The following RBM12 variants were observed in gnomAD, a reference collection of about 807,000 sequenced individuals.
The protein encoded by RBM12 is RNA binding motif protein 12.
RBM12 carries 24 observed loss-of-function variants against 37.2 expected under a neutral mutation model. That is an observed-to-expected ratio of 0.65 (90% confidence interval 0.47 to 0.91). The LOEUF (loss-of-function observed/expected upper bound fraction) is 0.91. RBM12 is among the 40% of genes least tolerant of loss of function. The pLI, the probability that RBM12 is intolerant of heterozygous loss-of-function variation, is 0.00. For missense variants in RBM12, 1,061 were observed against 1,183.2 expected (o/e 0.90, Z 1.52); for synonymous variants, 420 against 425.2 (o/e 0.99, Z 0.15).
Position 35,654,668 on chromosome 20 carries a change from G to A in RBM12, c.655C>T (p.Pro219Ser), listed in dbSNP as rs775462629. 1.2e-6 allele frequency: 2 copies of A among 1,613,630 alleles called. No homozygotes were observed. Among genetic ancestry groups the A allele is most frequent in the Admixed American group, 1.7e-5 (1 of 60,024 alleles). Residue 219 changes from proline (P) to serine (S), a missense_variant, in exon 3 of 3, where the codon CCT becomes TCT. Pro to Ser is a moderately conservative substitution (Grantham distance 74). Coordinates refer to ENST00000374114, the MANE Select transcript of RBM12 (RefSeq NM_006047.6). Reference sequence around the variant, plus strand: ...GGAATCGGGGGCACAGGAGGCACAGGAGGCAATGTAGGTACTGGAGGAGGA... The same window carrying A: ...GGAATCGGGGGCACAGGAGGCACAGAAGGCAATGTAGGTACTGGAGGAGGA... ...PVPPPVPTLP[P>S]VPPVPPIPPV...
chr20:35,658,069 C>T (rs2034007872), intron 2 of RBM12, among the ~76,000 whole-genome samples: 1 of 151,028 alleles, frequency 6.6e-6, no homozygotes, highest in Non-Finnish European at 1.5e-5. Context: ...ATAAATAAAA[C>T]AAATAAAAAT....
At chr20:35,663,643 A>G (rs2034358226) in intron 1 of RBM12, among the ~76,000 whole-genome samples, 1 of 152,196 alleles carries the variant, frequency 6.6e-6, no homozygotes, top group African/African-American at 2.4e-5. Context: ...AATTCTCAGC[A>G]TGACACCACG....
Position 35,664,875 on chromosome 20 carries a change from C to T in RBM12, c.-223G>A, listed in dbSNP as rs1410413193. The T allele has an allele frequency of 6.6e-6, 1 of 152,386 alleles. No homozygotes were observed. The highest frequency in any genetic ancestry group is 2.4e-5 in the African/African-American group (1 of 41,486). The allele number at this position is 152,386 out of a possible 1,614,324, so 9.4% of individuals were successfully genotyped here. A position where few individuals can be genotyped will look rare whatever the true frequency, so the allele number is the denominator to read the frequency against. The stretch of plus-strand genomic sequence containing the variant: ...GGCTTCCCGGAGCCCAACGCAGCCA[C>T]CACCTCCTTCGCCGCTTCACAAAAT... On this transcript the variant is annotated 5_prime_UTR_variant, in exon 1 of 3. In the 5' UTR this introduces an upstream ATG that the reference lacks. Coordinates refer to ENST00000374114, the MANE Select transcript of RBM12 (RefSeq NM_006047.6).
chr20:35,653,929 C>T lies in RBM12; in HGVS notation c.1394G>A (p.Gly465Glu). The change falls in exon 3 of 3, where the codon GGA becomes GAA. Residue 465 changes from glycine (G) to glutamate (E), a missense_variant. This residue lies in a region of RBM12 where 540 missense variants were observed against 632.7 expected (regional missense o/e 0.85). Transcript: ENST00000374114. The stretch of plus-strand genomic sequence containing the variant: ...TTCGCCAGTTGCTTTCCCATTGGGT[C>T]CATAAGCTATATAAATACTATCTTC... The part of the protein sequence containing the change: ...IVEDSIYIAY[G>E]PNGKATGEGF... The T allele has an allele frequency of 6.2e-7, 1 of 1,614,122 alleles. No homozygotes were observed. The highest frequency in any genetic ancestry group is 8.5e-7 in the Non-Finnish European group (1 of 1,180,024).
In RBM12 at chr20:35,653,468, C is replaced by T; in HGVS notation, c.1855G>A (p.Val619Ile). The change falls in exon 3 of 3, where the codon GTT becomes ATT. Residue 619 changes from valine (V) to isoleucine (I), a missense_variant. Coordinates refer to ENST00000374114, the MANE Select transcript of RBM12 (RefSeq NM_006047.6). The part of the protein sequence containing the change: ...LNGREAFVHV[V>I]TLEDMREIEK... ...ATCTCTCTCATATCTTCTAGGGTAA[C>T]TACATGAACAAAAGCTTCTCTCCCA... The T allele has an allele frequency of 4.3e-6, 7 of 1,614,230 alleles. No homozygotes were observed. Among genetic ancestry groups the T allele is most frequent in the Non-Finnish European group, 5.9e-6 (7 of 1,180,048 alleles).
At chr20:35,663,578 T>C (rs1370621913) in intron 1 of RBM12, among the ~76,000 whole-genome samples, 1 of 152,204 alleles carries the variant, frequency 6.6e-6, no homozygotes, top group Non-Finnish European at 1.5e-5. Flanking sequence ...AGGTTATCTC[T>C]GAGAATCCTG....
Position 35,655,057 on chromosome 20 carries a change from C to T in RBM12, c.266G>A (p.Arg89His), listed in dbSNP as rs1483325456. The T allele has an allele frequency of 5.0e-6, 8 of 1,614,134 alleles. No individual in the cohort carries two copies. Among genetic ancestry groups the T allele is most frequent in the East Asian group, 2.2e-5 (1 of 44,884 alleles). Residue 89 changes from arginine to histidine, a missense_variant, in exon 3 of 3, where the codon CGT becomes CAT. Arg to His is a conservative substitution (Grantham distance 29). Transcript: ENST00000374114. Reference sequence around the variant, plus strand: ...TATATCTAAGTTGGCAGTTTCAAAACGCCTACGACTCAGTTCAATCATATT... The same window carrying T: ...TATATCTAAGTTGGCAGTTTCAAAATGCCTACGACTCAGTTCAATCATATT... ...MQNMIELSRRRFETANLDIPP... is the reference protein window; with the variant it reads ...MQNMIELSRRHFETANLDIPP...
At chr20:35,659,621 CCT>C (rs1326581463) in intron 1 of RBM12, among the ~76,000 whole-genome samples, 1 of 151,852 alleles carries the variant, frequency 6.6e-6, no homozygotes, top group African/African-American at 2.4e-5. Context: ...AGTGTTTTTT[CCT>C]CTGACATCAC....
chr20:35,659,991 G>A (rs962864632), intron 1 of RBM12, among the ~76,000 whole-genome samples: 1 of 152,036 alleles, frequency 6.6e-6, no homozygotes, highest in Admixed American at 6.5e-5. Context: ...TACAACTAAT[G>A]ACCTTAATAT....
In RBM12 at chr20:35,653,253, CGCACCAGGCAGTCCT is replaced by C. The variant is rs760382636; in HGVS notation, c.2055_2069del (p.Leu687_Gly691del). On this transcript the variant is annotated inframe_deletion, in exon 3 of 3. Transcript: ENST00000374114. ...TAGGTATTCCTGCACTGGGCATTCC[CGCACCAGGCAGTCCT>C]GCACTGGTTATTGCTGAACCAGGCA... is the stretch of plus-strand genomic sequence containing the variant. 171 of 1,613,504 alleles carry C rather than the reference CGCACCAGGCAGTCCT, an allele frequency of 1.1e-4. No homozygotes were observed. The highest frequency in any genetic ancestry group is 1.4e-4 in the Non-Finnish European group (164 of 1,179,908).
chr20:35,652,801 C>T lies in RBM12; in HGVS notation c.2522G>A (p.Gly841Asp). The T allele has an allele frequency of 6.2e-7, 1 of 1,608,514 alleles. No homozygotes were observed. Among genetic ancestry groups the T allele is most frequent in the Non-Finnish European group, 8.5e-7 (1 of 1,177,190 alleles). Reference sequence around the variant, plus strand: ...ACTAGATGCAAAGCCAGGGGGACCACCAATATGGATTGGGCCAGGGCCGGG... The same window carrying T: ...ACTAGATGCAAAGCCAGGGGGACCATCAATATGGATTGGGCCAGGGCCGGG... ...PGPGPGPIHIGGPPGFASSSG... is the reference protein window; with the variant it reads ...PGPGPGPIHIDGPPGFASSSG... The change falls in exon 3 of 3, where the codon GGT (glycine) becomes GAT (aspartate). Residue 841 changes from glycine to aspartate, a missense_variant. Gly to Asp is a moderately conservative substitution (Grantham distance 94). Coordinates refer to ENST00000374114, the MANE Select transcript of RBM12 (RefSeq NM_006047.6).
chr20:35,655,324 C>G lies in RBM12; in HGVS notation c.-2G>C, dbSNP rs546359672. On this transcript the variant is annotated 5_prime_UTR_variant, in exon 3 of 3. Transcript: ENST00000374114. The stretch of plus-strand genomic sequence containing the variant: ...TTGCAAACGGATGACCACAGCCATG[C>G]TGCGCTGAAACCACACACACCTGCA... 1.4e-5 allele frequency: 22 copies of G among 1,603,744 alleles called. No homozygotes were observed. In the South Asian group the frequency reaches 2.3e-4, roughly 17 times the overall value.
rs2033765152 is a variant in RBM12 at position 35,654,490 on chromosome 20, C to A, written c.833G>T (p.Gly278Val). The stretch of plus-strand genomic sequence containing the variant: ...GATAGGGTTAACAGGATTCAACGGA[C>A]CAAGAAACATAGGATTCAGATTATT... ...LNNNLNPMFL[G>V]PLNPVNPIQM... is the part of the protein sequence containing the mutation. Residue 278 changes from glycine to valine, a missense_variant, in exon 3 of 3, where the codon GGT becomes GTT. By Grantham distance (109) the Gly-to-Val change is moderately radical (BLOSUM62 -3). Around this residue, in one of 3 missense-constraint regions of RBM12, gnomAD observed 540 missense variants for 632.7 expected, o/e 0.85. Coordinates refer to ENST00000374114, the MANE Select transcript of RBM12 (RefSeq NM_006047.6). 1 of 1,614,156 alleles carries A rather than the reference C, an allele frequency of 6.2e-7. No homozygotes were observed. The highest frequency in any genetic ancestry group is 8.5e-7 in the Non-Finnish European group (1 of 1,180,020).
chr20:35,657,283 CA>C (rs2033953237), intron 2 of RBM12, among the ~76,000 whole-genome samples: 1 of 152,214 alleles, frequency 6.6e-6, no homozygotes, highest in Non-Finnish European at 1.5e-5. Context: ...TACTATTTAG[CA>C]GCCTATAAGG....
chr20:35,655,940 C>A (rs1264686046), intron 2 of RBM12, among the ~76,000 whole-genome samples: 1 of 152,102 alleles, frequency 6.6e-6, no homozygotes, highest in Non-Finnish European at 1.5e-5. Flanking sequence ...TTATTTTATT[C>A]ATCCTAAAAC....
intron 2 of RBM12, among the ~76,000 whole-genome samples, chr20:35,656,707 T>C (rs966991854): frequency 6.6e-6 from 1 of 152,134 alleles, no homozygotes; most frequent in Non-Finnish European, 1.5e-5. Context: ...GCTAAGTGTT[T>C]GTATTTAGGA....
intron 2 of RBM12, among the ~76,000 whole-genome samples, chr20:35,658,052 G>T (rs965689472): frequency 1.3e-5 from 2 of 151,414 alleles, no homozygotes; most frequent in Admixed American, 6.6e-5. Flanking sequence ...GTCTCAAAAA[G>T]AAATAAATAA....
rs1341002727 is a variant in RBM12 at position 35,649,935 on chromosome 20, C to T, written c.*2589G>A. ...AGCAAAGCTTTACAAATCCTTCATA[C>T]CATACAAAGCAAATGAGAAAATAAT... On this transcript the variant is annotated 3_prime_UTR_variant, in exon 3 of 3. Transcript: ENST00000374114. 1 of 152,440 alleles carries T rather than the reference C, an allele frequency of 6.6e-6. No homozygotes were observed. Among genetic ancestry groups the T allele is most frequent in the African/African-American group, 2.4e-5 (1 of 41,438 alleles). 9.4% of individuals were successfully genotyped at this position (152,440 alleles called of 1,614,324 possible). A position where few individuals can be genotyped will look rare whatever the true frequency, so the allele number is the denominator to read the frequency against.
chr20:35,654,782 G>A lies in RBM12; in HGVS notation c.541C>T (p.Pro181Ser), dbSNP rs770246856. Residue 181 changes from proline to serine, a missense_variant, in exon 3 of 3, where the codon CCA (proline) becomes TCA (serine). Transcript: ENST00000374114. ...GGTGGCGGCGGGACTGTGTTCATTG[G>A]AGAGGCTGTGCTTGGAACAGTTGAG... is the stretch of plus-strand genomic sequence containing the variant. ...FSSTVPSTAS[P>S]MNTVPPPPIP... 1.2e-6 allele frequency: 2 copies of A among 1,614,126 alleles called. No homozygotes were observed. The highest frequency in any genetic ancestry group is 1.1e-5 in the South Asian group (1 of 91,078).
Sources: allele counts gnomAD v4.1 joint callset (sites outside exome capture counted in the v4.1 genomes callset), GRCh38; gene constraint gnomAD v4.1.1; regional missense constraint gnomAD v4.1.1; transcripts MANE v1.5; gene names NCBI Gene and HGNC (gene_info 2026-07-23, HGNC 2026-07-21).